Variants in MYBPC1 observed in about 807,000 individuals in gnomAD.
MYBPC1 encodes the protein myosin binding protein C1.
In MYBPC1, 52 loss-of-function variants were observed where a neutral mutation model predicts 147.1. That is an observed-to-expected ratio of 0.35 (90% confidence interval 0.28 to 0.45). MYBPC1 has a LOEUF of 0.45. Ranked by LOEUF, MYBPC1 falls within the 20% of genes least tolerant of loss-of-function variation. MYBPC1 has a pLI of 1.00. For missense variants in MYBPC1, 1,228 were observed against 1,440.3 expected (o/e 0.85, Z 2.39); for synonymous variants, 477 against 475.9 (o/e 1.00, Z -0.03).
chr12:101,661,782 G>A (rs752128140), intron 20 of MYBPC1, among the ~76,000 whole-genome samples: 92 of 151,372 alleles, frequency 6.1e-4, no homozygotes, highest in Non-Finnish European at 8.5e-4. Context: ...CCAGCTACTC[G>A]CTACTCAGGA....
intron 1 of MYBPC1, among the ~76,000 whole-genome samples, chr12:101,611,741 T>C (rs1884341875): frequency 6.6e-6 from 1 of 152,168 alleles, no homozygotes; most frequent in Admixed American, 6.6e-5. Context: ...TGTGTTATGA[T>C]GTAGTCCAGA....
At chr12:101,670,189 G>T in intron 23 of MYBPC1, 132 bp from the exon 24 acceptor site, 1 of 779,904 alleles carries the variant, frequency 1.3e-6, no homozygotes. Flanking sequence ...GTCTGTTAGT[G>T]GCACATCTCA....
At chr12:101,616,566 A>G (rs906299434) in intron 2 of MYBPC1, among the ~76,000 whole-genome samples, 1 of 152,184 alleles carries the variant, frequency 6.6e-6, no homozygotes, top group Non-Finnish European at 1.5e-5. Flanking sequence ...TACTGATTCC[A>G]TAAGTCAGAT....
intron 24 of MYBPC1, among the ~76,000 whole-genome samples, chr12:101,671,725 G>C (rs530111908): frequency 6.6e-6 from 1 of 152,234 alleles, no homozygotes; most frequent in Non-Finnish European, 1.5e-5. Context: ...ACTAATCCCA[G>C]TTCCCAGATC....
chr12:101,612,471 C>T (rs1209077866), intron 1 of MYBPC1, among the ~76,000 whole-genome samples: 2 of 151,986 alleles, frequency 1.3e-5, no homozygotes, highest in Non-Finnish European at 2.9e-5. Context: ...GCCACTGAGA[C>T]GTAGTAAGAG....
chr12:101,627,862 C>A, intron 5 of MYBPC1, 58 bp downstream of exon 5: 1 of 1,536,540 alleles, frequency 6.5e-7, no homozygotes, highest in Non-Finnish European at 9.0e-7. Flanking sequence ...CACTAATGAG[C>A]TCATTTCTTG....
intron 16 of MYBPC1, among the ~76,000 whole-genome samples, chr12:101,651,920 T>C (rs1468583646): frequency 2.0e-5 from 3 of 152,124 alleles, no homozygotes; most frequent in Non-Finnish European, 4.4e-5. Flanking sequence ...GGAAACAGAA[T>C]GAGAGACCTT....
chr12:101,643,194 A>AT (rs1565944308), intron 11 of MYBPC1, among the ~76,000 whole-genome samples: 1 of 152,092 alleles, frequency 6.6e-6, no homozygotes, highest in African/African-American at 2.4e-5. Flanking sequence ...CAATCCTATT[A>AT]TTGTTTATTA....
At chr12:101,600,399 G>A (rs1431279542) in intron 1 of MYBPC1, 1 of 151,742 alleles carries the variant, frequency 6.6e-6, no homozygotes, top group Admixed American at 6.6e-5. Flanking sequence ...GAATGTTGAA[G>A]TCAACTACCC....
chr12:101,676,090 A>AT (rs1201665697), intron 26 of MYBPC1, among the ~76,000 whole-genome samples: 2 of 151,992 alleles, frequency 1.3e-5, no homozygotes, highest in African/African-American at 2.4e-5. Flanking sequence ...TTTTTTTATG[A>AT]TTTTTTTTCA....
chr12:101,666,536 G>A, intron 22 of MYBPC1: 1 of 546,204 alleles, frequency 1.8e-6, no homozygotes, highest in East Asian at 3.2e-5. Context: ...AGGTGCCTCA[G>A]GTCAGAAGCC....
chr12:101,603,374 CT>C (rs200457474), intron 1 of MYBPC1, among the ~76,000 whole-genome samples: 2,796 of 151,820 alleles, frequency 0.018, 87 homozygotes, highest in African/African-American at 0.064. Flanking sequence ...ATTTCTCTCT[CT>C]TATCAGGGGT....
chr12:101,692,124 G>A, the MYBPC1 span, among the ~76,000 whole-genome samples: 2 of 152,202 alleles, frequency 1.3e-5, no homozygotes, highest in Non-Finnish European at 2.9e-5. Context: ...CACACAGCTG[G>A]AGCATGAGAC....
Position 101,675,293 on chromosome 12 carries a change from C to A in MYBPC1, c.2811C>A (p.Asp937Glu), listed in dbSNP as rs145689831. The change falls in exon 26 of 32, where the codon GAC becomes GAA. Residue 937 changes from aspartate (D) to glutamate (E), a missense_variant and splice_region_variant. Physicochemically the swap from Asp to Glu is conservative, Grantham distance 45 (BLOSUM62 2). Coordinates refer to ENST00000361466, the MANE Select transcript of MYBPC1 (RefSeq NM_002465.4). ...ETASIDIQII[D>E]RPGPPQIVKI... Reference sequence around the variant, plus strand: ...TGACACCATGAATTCATCCTGTAGACCGTCCAGGTCCACCCCAAATTGTGA... The same window carrying A: ...TGACACCATGAATTCATCCTGTAGAACGTCCAGGTCCACCCCAAATTGTGA... 1.2e-6 allele frequency: 2 copies of A among 1,613,876 alleles called. No individual in the cohort carries two copies. Among genetic ancestry groups the A allele is most frequent in the East Asian group, 4.5e-5 (2 of 44,902 alleles).
In MYBPC1 at chr12:101,648,052, A is replaced by G; in HGVS notation, c.1098A>G (p.Pro366=). 1 of 1,610,512 alleles carries G rather than the reference A, an allele frequency of 6.2e-7. No homozygotes were observed. Among genetic ancestry groups the G allele is most frequent in the Non-Finnish European group, 8.5e-7 (1 of 1,176,882 alleles). The change falls in exon 14 of 32, where the codon CCA becomes CCG. Residue 366 remains proline (P), a synonymous_variant. Coordinates refer to ENST00000361466, the MANE Select transcript of MYBPC1 (RefSeq NM_002465.4). The part of the protein sequence containing the change: ...CSTELFVREP[P]IMVTKQLEDT... ...CCCCTTTTTGTATACTAGAGCCTCC[A>G]ATTATGGTGACCAAACAGCTGGAAG...
At chr12:101,600,919 G>A (rs1316132456) in intron 1 of MYBPC1, among the ~76,000 whole-genome samples, 1 of 152,198 alleles carries the variant, frequency 6.6e-6, no homozygotes, top group Non-Finnish European at 1.5e-5. Flanking sequence ...CTGAGAGCAT[G>A]TGGCCACATC....
chr12:101,680,614 A>C, intron 29 of MYBPC1, 85 bp downstream of exon 29: 1 of 1,549,116 alleles, frequency 6.5e-7, no homozygotes, highest in Non-Finnish European at 8.9e-7. Flanking sequence ...TTCTTAATCC[A>C]AATTGCTTGC....
At chr12:101,608,892 C>T (rs960527281) in intron 1 of MYBPC1, among the ~76,000 whole-genome samples, 1 of 152,020 alleles carries the variant, frequency 6.6e-6, no homozygotes, top group African/African-American at 2.4e-5. Context: ...GGGAGGGGAA[C>T]CAATGAAAGA....
intron 10 of MYBPC1, chr12:101,637,062 C>T: frequency 1.7e-5 from 1 of 59,262 alleles, no homozygotes; most frequent in Non-Finnish European, 2.8e-5. Flanking sequence ...TGGTAGAAGT[C>T]TGAAGGTATA....
Sources: gnomAD v4.1 joint callset for allele counts (sites outside exome capture counted in the v4.1 genomes callset) on GRCh38, gnomAD v4.1.1 for gene constraint, MANE v1.5 for transcripts, NCBI Gene and HGNC (gene_info 2026-07-23, HGNC 2026-07-21) for gene names.